Variants in SPARC observed in about 807,000 individuals in gnomAD.
The protein encoded by SPARC is basement-membrane protein 40.
A neutral mutation model predicts 37.7 loss-of-function variants in SPARC; 23 were observed. The ratio of observed to expected loss-of-function variants is 0.61; its 90% CI spans 0.44 to 0.87. The LOEUF (loss-of-function observed/expected upper bound fraction) is 0.87, where lower values mean the gene tolerates loss of function less well. Ranked by LOEUF, SPARC falls within the 40% of genes least tolerant of loss-of-function variation. The probability of loss-of-function intolerance (pLI) is 0.00; values close to 1 mark genes in which losing one functional copy is unlikely to be tolerated. For missense variants in SPARC, 312 were observed against 389.0 expected (o/e 0.80, Z 1.66); for synonymous variants, 155 against 150.8 (o/e 1.03, Z -0.20).
intron 6 of SPARC, 131 bp downstream of exon 6, chr5:151,669,533 G>T (rs896323595): frequency 1.9e-6 from 2 of 1,073,588 alleles, no homozygotes; most frequent in Non-Finnish European, 2.6e-6. Flanking sequence ...TATAAATGGG[G>T]ATGCCGAGAC....
At chr5:151,675,942 C>T (rs1760846159) in intron 2 of SPARC, among the ~76,000 whole-genome samples, 190 bp downstream of exon 2, 1 of 152,124 alleles carries the variant, frequency 6.6e-6, no homozygotes, top group African/African-American at 2.4e-5. Context: ...TCTCTCTTCT[C>T]TGATACCTCC....
chr5:151,675,434 C>T (rs989309572), intron 2 of SPARC, among the ~76,000 whole-genome samples: 1 of 152,180 alleles, frequency 6.6e-6, no homozygotes, highest in Non-Finnish European at 1.5e-5. Flanking sequence ...ATCAAGGGGC[C>T]CCACTCTCAC....
At chr5:151,668,010 G>A (rs1760667455) in intron 6 of SPARC, among the ~76,000 whole-genome samples, 1 of 152,120 alleles carries the variant, frequency 6.6e-6, no homozygotes, top group African/African-American at 2.4e-5. Context: ...GGGGAGTAGA[G>A]GACTCAGGAA....
At chr5:151,685,869 C>T (rs1761128222) in intron 1 of SPARC, 3 of 152,216 alleles carry the variant, frequency 2.0e-5, no homozygotes, top group Admixed American at 2.0e-4. Context: ...CAGTGCCCCC[C>T]TTCCCTTGGA....
chr5:151,663,866 T>C (rs1303261861), intron 9 of SPARC, among the ~76,000 whole-genome samples: 2 of 152,112 alleles, frequency 1.3e-5, no homozygotes, highest in Non-Finnish European at 2.9e-5. Context: ...GGGTGAGTGC[T>C]AACGCTTGAG....
At chr5:151,674,438 C>T (rs536661286) in intron 3 of SPARC, among the ~76,000 whole-genome samples, 174 bp downstream of exon 3, 1 of 152,274 alleles carries the variant, frequency 6.6e-6, no homozygotes, top group Non-Finnish European at 1.5e-5. Context: ...GTTTGGGAAG[C>T]ATTCAGGAGT....
Position 151,667,595 on chromosome 5 carries a change from G to C in SPARC, c.457C>G (p.Pro153Ala). 1 of 1,614,050 alleles carries C rather than the reference G, an allele frequency of 6.2e-7. No homozygotes were observed. Among genetic ancestry groups the C allele is most frequent in the Non-Finnish European group, 8.5e-7 (1 of 1,179,982 alleles). ...LDYIGPCKYIPPCLDSELTEF... is the reference protein window; with the variant it reads ...LDYIGPCKYIAPCLDSELTEF... ...GTCAGCTCAGAGTCCAGGCAAGGGG[G>C]GATGTCTAGGTTCCAAACACAAGGG... Residue 153 changes from proline (P) to alanine (A), a missense_variant, in exon 7 of 10, where the codon CCC becomes GCC. By Grantham distance (27) the Pro-to-Ala change is conservative. Coordinates refer to ENST00000231061, the MANE Select transcript of SPARC (RefSeq NM_003118.4).
chr5:151,674,480 C>T, intron 3 of SPARC, 132 bp downstream of exon 3: 1 of 770,910 alleles, frequency 1.3e-6, no homozygotes, highest in East Asian at 2.5e-5. Flanking sequence ...TCAGGGTTTG[C>T]ATCTATGCTA....
chr5:151,664,330 G>T, intron 8 of SPARC, 95 bp from the exon 9 acceptor site: 1 of 1,143,080 alleles, frequency 8.7e-7, no homozygotes, highest in Non-Finnish European at 1.3e-6. Context: ...CCCAGAGCAT[G>T]GAGGAAAGGA....
At chr5:151,671,551 G>A (rs1760748432) in intron 5 of SPARC, 22 bp downstream of exon 5, 1 of 1,546,504 alleles carries the variant, frequency 6.5e-7, no homozygotes, top group South Asian at 1.3e-5. Context: ...CCTTCCCCCT[G>A]CCCCTGTCTC....
chr5:151,675,852 G>A (rs1014056099), intron 2 of SPARC, among the ~76,000 whole-genome samples: 5 of 152,078 alleles, frequency 3.3e-5, no homozygotes, highest in African/African-American at 1.2e-4. Flanking sequence ...TGACAAAGAG[G>A]TCATTTCCTT....
chr5:151,675,679 C>T (rs976977346), intron 2 of SPARC, among the ~76,000 whole-genome samples: 8 of 152,112 alleles, frequency 5.3e-5, no homozygotes, highest in African/African-American at 1.9e-4. Context: ...GTATCTTCCC[C>T]TCCTTCCCCA....
intron 4 of SPARC, 64 bp from the exon 5 acceptor site, chr5:151,671,758 C>G (rs771956265): frequency 6.3e-7 from 1 of 1,598,398 alleles, no homozygotes; most frequent in Non-Finnish European, 8.5e-7. Flanking sequence ...CCCATCCTAC[C>G]TGGACAGATC....
chr5:151,664,470 A>C (rs1277038737), intron 8 of SPARC, among the ~76,000 whole-genome samples: 1 of 152,196 alleles, frequency 6.6e-6, no homozygotes, highest in Non-Finnish European at 1.5e-5. Flanking sequence ...AGAGGAGGAG[A>C]TGGCCATAAT....
rs1978707 is a variant in SPARC, at chr5:151,673,098, G to A, written c.208+31C>T. On this transcript the variant is annotated intron_variant, in intron 4 of 9. Coordinates refer to ENST00000231061, the MANE Select transcript of SPARC (RefSeq NM_003118.4). ...AGGCCCAGGCAGCCAAGGGCAGCTT[G>A]GATGTGCCAAGTTACAGGGAAGGGA... 0.6 allele frequency: 917,295 copies of A among 1,533,806 alleles called. 277,194 individuals carry two copies. The highest frequency in any genetic ancestry group is 0.78 in the African/African-American group (57,303 of 73,412).
chr5:151,669,905 A>G lies in SPARC; in HGVS notation c.331-121T>C. 2.2e-6 allele frequency: 3 copies of G among 1,361,880 alleles called. No homozygotes were observed. The South Asian group carries it at 4.0e-5, about 18-fold the overall frequency. 84.4% of individuals were successfully genotyped at this position (1,361,880 alleles called of 1,614,324 possible). On this transcript the variant is annotated intron_variant, in intron 5 of 9. Transcript: ENST00000231061. ...TTAAGCAAGGAATGTCATTAGCCTG[A>G]GGTCATATAGTGAGTTAGTGATAGG...
intron 2 of SPARC, 76 bp from the exon 3 acceptor site, chr5:151,674,750 G>A (rs770368901): frequency 6.2e-5 from 89 of 1,430,376 alleles, no homozygotes; most frequent in Middle Eastern, 1.9e-4. Context: ...CTGTGGCCTC[G>A]GATACAGGCT....
intron 1 of SPARC, among the ~76,000 whole-genome samples, chr5:151,684,249 C>T (rs1761075423): frequency 1.3e-5 from 2 of 152,020 alleles, no homozygotes; most frequent in Non-Finnish European, 2.9e-5. Flanking sequence ...GCAAGCTATT[C>T]CTTTGAATAA....
Position 151,661,862 on chromosome 5 carries a change from G to A in SPARC, c.*1709C>T, listed in dbSNP as rs989097835. Reference sequence around the variant, plus strand: ...AATCTTAAAAAGTTACATGTGGGTAGTGGCTGCCGTACGGAACAGTACAGC... The same window carrying A: ...AATCTTAAAAAGTTACATGTGGGTAATGGCTGCCGTACGGAACAGTACAGC... On this transcript the variant is annotated 3_prime_UTR_variant, in exon 10 of 10. Transcript: ENST00000231061. 6.6e-6 allele frequency: 1 copy of A among 152,200 alleles called. No homozygotes were observed. Among genetic ancestry groups the A allele is most frequent in the Non-Finnish European group, 1.5e-5 (1 of 68,040 alleles). The allele number at this position is 152,200 out of a possible 1,614,324, so 9.4% of individuals were successfully genotyped here.
Sources: gnomAD v4.1 joint callset for allele counts (sites outside exome capture counted in the v4.1 genomes callset) on GRCh38, gnomAD v4.1.1 for gene constraint, MANE v1.5 for transcripts, NCBI Gene and HGNC (gene_info 2026-07-23, HGNC 2026-07-21) for gene names.